Variants in ITGBL1 observed in about 807,000 individuals in gnomAD.
ITGBL1 encodes the protein integrin beta-like protein 1.
Under a neutral mutation model 68.5 loss-of-function variants are expected in ITGBL1, and 51 were observed. The ratio of observed to expected loss-of-function variants is 0.74; its 90% CI spans 0.59 to 0.94. The LOEUF (loss-of-function observed/expected upper bound fraction) is 0.94. ITGBL1 is among the 40% of genes least tolerant of loss of function. The probability of loss-of-function intolerance (pLI) is 0.00; values close to 1 mark genes in which losing one functional copy is unlikely to be tolerated. For synonymous variants in ITGBL1, 209 were observed against 227.3 expected, an observed-to-expected ratio of 0.92 and a Z score of 0.72; for missense variants, 649 against 647.4, an observed-to-expected ratio of 1.00 and a Z score of -0.03.
chr13:101,483,686 G>T (rs1217639777), intron 2 of ITGBL1, among the ~76,000 whole-genome samples: 2 of 152,072 alleles, frequency 1.3e-5, no homozygotes, highest in Non-Finnish European at 2.9e-5. Context: ...ACATTTATTT[G>T]AATATGTTTT....
intron 2 of ITGBL1, among the ~76,000 whole-genome samples, chr13:101,457,648 C>G (rs2048262479): frequency 6.6e-6 from 1 of 152,022 alleles, no homozygotes; most frequent in Non-Finnish European, 1.5e-5. Flanking sequence ...AACCCTGTCT[C>G]TACTAAATAT....
intron 2 of ITGBL1, among the ~76,000 whole-genome samples, chr13:101,500,902 T>G (rs1324635259): frequency 1.3e-5 from 2 of 152,220 alleles, no homozygotes; most frequent in Non-Finnish European, 2.9e-5. Flanking sequence ...AAATTAAACT[T>G]GGAATCCTAT....
chr13:101,715,453 C>T, intron 10 of ITGBL1, 110 bp from the exon 11 acceptor site: 1 of 796,984 alleles, frequency 1.3e-6, no homozygotes, highest in East Asian at 2.5e-5. Context: ...AGAAAATCTA[C>T]CAAGGATGAA....
intron 7 of ITGBL1, among the ~76,000 whole-genome samples, chr13:101,680,194 T>C (rs185366555): frequency 2.5e-3 from 376 of 152,348 alleles, no homozygotes; most frequent in Admixed American, 3.8e-3. Context: ...CAGAATATTA[T>C]AGTTCTCAAG....
chr13:101,486,107 C>T (rs535933071), intron 2 of ITGBL1, among the ~76,000 whole-genome samples: 19 of 141,474 alleles, frequency 1.3e-4, no homozygotes, highest in East Asian at 5.5e-4. Flanking sequence ...CATCAACCAA[C>T]GAGTGGATAA....
chr13:101,497,299 T>A (rs1165018862), intron 2 of ITGBL1, among the ~76,000 whole-genome samples: 1 of 152,208 alleles, frequency 6.6e-6, no homozygotes, highest in East Asian at 1.9e-4. Flanking sequence ...TCCTTTTAAG[T>A]AAATCCTTTT....
chr13:101,598,408 T>A (rs2030123859), intron 7 of ITGBL1, 109 bp downstream of exon 7: 1 of 906,066 alleles, frequency 1.1e-6, no homozygotes, highest in African/African-American at 1.7e-5. Context: ...TTCTGCTTTT[T>A]GGTTTTTTTG....
chr13:101,453,222 A>C (rs948099722), intron 1 of ITGBL1, among the ~76,000 whole-genome samples: 5 of 152,218 alleles, frequency 3.3e-5, no homozygotes, highest in Non-Finnish European at 7.3e-5. Flanking sequence ...TATGTGTACC[A>C]GTATCTTCTC....
At chr13:101,480,176 A>G (rs944085558) in intron 2 of ITGBL1, among the ~76,000 whole-genome samples, 6 of 152,084 alleles carry the variant, frequency 3.9e-5, no homozygotes, top group African/African-American at 1.4e-4. Flanking sequence ...AACAACATGG[A>G]TGGAACTGGA....
chr13:101,534,823 G>A (rs2049543959), intron 2 of ITGBL1, among the ~76,000 whole-genome samples: 1 of 152,118 alleles, frequency 6.6e-6, no homozygotes, highest in African/African-American at 2.4e-5. Context: ...CCATAAATCT[G>A]CACATAAGTA....
At chr13:101,522,144 C>A (rs977681226) in intron 2 of ITGBL1, among the ~76,000 whole-genome samples, 3 of 152,060 alleles carry the variant, frequency 2.0e-5, no homozygotes, top group Non-Finnish European at 4.4e-5. Context: ...CTTATGATGT[C>A]ATTTAACTTT....
chr13:101,461,069 A>G (rs1415086478), intron 2 of ITGBL1, among the ~76,000 whole-genome samples: 1 of 152,234 alleles, frequency 6.6e-6, no homozygotes, highest in East Asian at 1.9e-4. Flanking sequence ...ACATATTTAT[A>G]GCATTGTGGT....
At chr13:101,696,746 C>G (rs2034012066) in intron 8 of ITGBL1, among the ~76,000 whole-genome samples, 1 of 152,158 alleles carries the variant, frequency 6.6e-6, no homozygotes, top group African/African-American at 2.4e-5. Context: ...ATCAATCTCT[C>G]TCTCTCATTA....
At chr13:101,616,151 A>G (rs1384495698) in intron 7 of ITGBL1, among the ~76,000 whole-genome samples, 1 of 152,338 alleles carries the variant, frequency 6.6e-6, no homozygotes, top group East Asian at 1.9e-4. Flanking sequence ...GGTGCTCTCT[A>G]CCAGCAAAAT....
intron 2 of ITGBL1, among the ~76,000 whole-genome samples, chr13:101,541,859 T>C (rs967848373): frequency 3.9e-5 from 6 of 152,212 alleles, no homozygotes; most frequent in Non-Finnish European, 8.8e-5. Flanking sequence ...GTTTATAGTA[T>C]TCTCTGATGG....
At chr13:101,693,651 T>TATCTATCTA in intron 8 of ITGBL1, among the ~76,000 whole-genome samples, 1 of 152,012 alleles carries the variant, frequency 6.6e-6, no homozygotes, top group East Asian at 1.9e-4. Context: ...TCTATCTATC[T>TATCTATCTA]ATCTATCTAT....
chr13:101,616,585 G>C (rs1051945949), intron 7 of ITGBL1, among the ~76,000 whole-genome samples: 3 of 152,102 alleles, frequency 2.0e-5, no homozygotes, highest in African/African-American at 7.2e-5. Flanking sequence ...CCGCCTCCCA[G>C]GTTGAAGCGA....
At chr13:101,717,755 G>C (rs1385257897), downstream of ITGBL1, 1 of 152,088 alleles carries the variant, frequency 6.6e-6, no homozygotes, top group African/African-American at 2.4e-5. Context: ...AGCAACTTAA[G>C]GGTGGATTTG....
chr13:101,561,349 C>T (rs2050097186), intron 2 of ITGBL1, among the ~76,000 whole-genome samples: 1 of 152,222 alleles, frequency 6.6e-6, no homozygotes, highest in South Asian at 2.1e-4. Context: ...TGAAACTATC[C>T]AGACATTTAG....
Sources: gnomAD v4.1 joint callset for allele counts (sites outside exome capture counted in the v4.1 genomes callset) on GRCh38, gnomAD v4.1.1 for gene constraint, MANE v1.5 for transcripts, NCBI Gene and HGNC (gene_info 2026-07-23, HGNC 2026-07-21) for gene names.